Variants in MAP3K5 observed in about 807,000 individuals in gnomAD.
MAP3K5 encodes the protein ASK-1.
MAP3K5 carries 56 observed loss-of-function variants against 158.7 expected under a neutral mutation model. The observed-to-expected ratio is 0.35, with a 90% confidence interval of 0.28 to 0.44. MAP3K5 has a LOEUF of 0.44. MAP3K5 is among the 20% of genes least tolerant of loss of function. The probability of loss-of-function intolerance (pLI) is 1.00; values close to 1 mark genes in which losing one functional copy is unlikely to be tolerated. For synonymous variants in MAP3K5, 579 were observed against 601.7 expected (o/e 0.96, Z 0.55); for missense variants, 1,294 against 1,674.8 (o/e 0.77, Z 3.97).
intron 9 of MAP3K5, among the ~76,000 whole-genome samples, chr6:136,656,732 C>G (rs567575620): frequency 1.9e-4 from 29 of 152,106 alleles, no homozygotes; most frequent in Non-Finnish European, 3.8e-4. Flanking sequence ...TCATGCCATT[C>G]TGCCTCAGCC....
At position 136,792,412 on chromosome 6, in the gene MAP3K5, G is replaced by A; in HGVS notation, c.-255C>T. Reference sequence around the variant, plus strand: ...CTCTGCAGAGTTTAGAGTACAAGGGGTGGGGAAGCCGGGTGAGCGGGAAGG... The same window carrying A: ...CTCTGCAGAGTTTAGAGTACAAGGGATGGGGAAGCCGGGTGAGCGGGAAGG... On this transcript the variant is annotated 5_prime_UTR_variant, in exon 1 of 30. Transcript: ENST00000359015. This position sits in a 1 kb window ranked among gnomAD's most constrained non-coding sequence, Gnocchi z 5.7. 2 of 987,930 alleles carry A rather than the reference G, an allele frequency of 2.0e-6. No individual in the cohort carries two copies. Among genetic ancestry groups the A allele is most frequent in the Non-Finnish European group, 2.4e-6 (2 of 831,734 alleles). The allele number at this position is 987,930 out of a possible 1,614,324, so 61.2% of individuals were successfully genotyped here. A position where few individuals can be genotyped will look rare whatever the true frequency, so the allele number is the denominator to read the frequency against.
chr6:136,600,027 T>A (rs531270634), intron 21 of MAP3K5, among the ~76,000 whole-genome samples: 32 of 151,980 alleles, frequency 2.1e-4, no homozygotes, highest in South Asian at 6.2e-4. Context: ...AAACCCCAAT[T>A]AACAGGCCTC....
intron 8 of MAP3K5, among the ~76,000 whole-genome samples, chr6:136,667,115 T>C (rs370825920): frequency 2.6e-5 from 4 of 152,342 alleles, no homozygotes; most frequent in African/African-American, 9.6e-5. Context: ...CATATGCAAA[T>C]CACTGTCAAT....
intron 9 of MAP3K5, among the ~76,000 whole-genome samples, chr6:136,657,811 C>T (rs900562288): frequency 6.6e-6 from 1 of 152,176 alleles, no homozygotes; most frequent in Non-Finnish European, 1.5e-5. Context: ...TCAGCACGTG[C>T]TCAGACACTC....
intron 1 of MAP3K5, among the ~76,000 whole-genome samples, chr6:136,721,532 T>C (rs1229154637): frequency 1.3e-5 from 2 of 152,194 alleles, no homozygotes; most frequent in African/African-American, 4.8e-5. Context: ...TAGATTAGTC[T>C]AAAACTCCTT....
intron 2 of MAP3K5, among the ~76,000 whole-genome samples, chr6:136,708,142 G>T (rs1436639065): frequency 6.6e-6 from 1 of 152,066 alleles, no homozygotes; most frequent in East Asian, 1.9e-4. Context: ...ATATCATTTT[G>T]TACTTTTAAA....
At chr6:136,698,390 T>C in intron 4 of MAP3K5, 99 bp downstream of exon 4, 1 of 939,736 alleles carries the variant, frequency 1.1e-6, no homozygotes, top group Non-Finnish European at 1.6e-6. Flanking sequence ...TTCTTAGCTG[T>C]ATACTGATAT....
In MAP3K5 at chr6:136,668,705, G is replaced by A. The variant is rs140789702; in HGVS notation, c.1366+578C>T. The stretch of plus-strand genomic sequence containing the variant: ...ATTCCCAGGGAAAGGCAGCAGATGA[G>A]ATAATGTCTACAGATAAAAGGGACA... On this transcript the variant is annotated intron_variant, in intron 8 of 29. Transcript: ENST00000359015. Among the ~76,000 whole-genome samples, 12 of 152,282 alleles carry A rather than the reference G, an allele frequency of 7.9e-5. No individual in the cohort carries two copies. The East Asian group carries it at 2.1e-3, about 27-fold the overall frequency.
At chr6:136,657,793 A>AG (rs1431138714) in intron 9 of MAP3K5, among the ~76,000 whole-genome samples, 1 of 152,198 alleles carries the variant, frequency 6.6e-6, no homozygotes, top group Admixed American at 6.5e-5. Flanking sequence ...GCATTCTGAG[A>AG]GGCATGCTCA....
chr6:136,716,027 C>CAAAAAAAAAAAAAAAAAAAA lies in MAP3K5; in HGVS notation c.588+4403_588+4422dup, dbSNP rs60678515. ...CCCGGGTGACAAAGCAAGATCGTCT[C>CAAAAAAAAAAAAAAAAAAAA]AAAAAAAAAAAAAAAAAAAAAAAAA... On this transcript the variant is annotated intron_variant, in intron 2 of 29. Coordinates refer to ENST00000359015, the MANE Select transcript of MAP3K5 (RefSeq NM_005923.4). 4.3e-4 allele frequency among the ~76,000 whole-genome samples: 10 copies of CAAAAAAAAAAAAAAAAAAAA among 23,034 alleles called. 1 individual carries two copies. The highest frequency in any genetic ancestry group is 5.6e-4 in the Non-Finnish European group (8 of 14,208). 15.1% of individuals were successfully genotyped at this position (23,034 alleles called of 152,430 possible). A position where few individuals can be genotyped will look rare whatever the true frequency, so the allele number is the denominator to read the frequency against.
intron 3 of MAP3K5, among the ~76,000 whole-genome samples, chr6:136,703,468 A>C (rs540857395): frequency 1.3e-5 from 2 of 152,320 alleles, no homozygotes; most frequent in African/African-American, 4.8e-5. Flanking sequence ...CTGTCTACAC[A>C]ACAGTTACAC....
At chr6:136,693,629 C>A (rs1780480047) in intron 7 of MAP3K5, among the ~76,000 whole-genome samples, 3 of 151,754 alleles carry the variant, frequency 2.0e-5, no homozygotes, top group African/African-American at 7.3e-5. Flanking sequence ...CTTAAATTAT[C>A]TTTTCATCTA....
At chr6:136,669,246 T>C (rs1779362856) in intron 8 of MAP3K5, 37 bp downstream of exon 8, 1 of 1,377,410 alleles carries the variant, frequency 7.3e-7, no homozygotes, top group Admixed American at 1.7e-5. Flanking sequence ...TGGGTCCAGT[T>C]TCTTGATTTC....
rs1054453123 is a variant in MAP3K5 at position 136,609,096 on chromosome 6, C to T, written c.2521+2186G>A. On this transcript the variant is annotated intron_variant, in intron 18 of 29. Coordinates refer to ENST00000359015, the MANE Select transcript of MAP3K5 (RefSeq NM_005923.4). The surrounding 1 kb of genome is among the most constrained non-coding windows in gnomAD (Gnocchi z 4.4). ...TCCTACAATTCCTTTGGAGATTTTA[C>T]AAAAAAGATGTTCCCCAGATTAGTA... Among the ~76,000 whole-genome samples the T allele has an allele frequency of 6.6e-6, 1 of 152,042 alleles. No individual in the cohort carries two copies. Among genetic ancestry groups the T allele is most frequent in the African/African-American group, 2.4e-5 (1 of 41,420 alleles).
intron 15 of MAP3K5, among the ~76,000 whole-genome samples, chr6:136,619,149 T>C (rs1414322544): frequency 6.6e-6 from 1 of 152,132 alleles, no homozygotes; most frequent in Non-Finnish European, 1.5e-5. Context: ...GGGGTGTCTT[T>C]TTCAGTTTGG....
intron 1 of MAP3K5, among the ~76,000 whole-genome samples, chr6:136,722,674 CTTTTTTTTTTT>C (rs372343492): frequency 2.6e-5 from 3 of 115,564 alleles, no homozygotes; most frequent in African/African-American, 9.6e-5. Context: ...TTTTTTTTTC[CTTTTTTTTTTT>C]TTTTTTTTAA....
At chr6:136,673,101 T>C (rs1253308716) in intron 7 of MAP3K5, among the ~76,000 whole-genome samples, 1 of 151,872 alleles carries the variant, frequency 6.6e-6, no homozygotes, top group Non-Finnish European at 1.5e-5. Context: ...TCCGACAGTA[T>C]TTAAGGGATA....
At chr6:136,605,049 C>T (rs771111019) in intron 19 of MAP3K5, among the ~76,000 whole-genome samples, 160 bp downstream of exon 19, 1 of 152,154 alleles carries the variant, frequency 6.6e-6, no homozygotes, top group Non-Finnish European at 1.5e-5. Flanking sequence ...GAGGCACCAG[C>T]GCTGGTTCTA....
chr6:136,789,291 C>T (rs183563132), intron 1 of MAP3K5, among the ~76,000 whole-genome samples: 10 of 152,296 alleles, frequency 6.6e-5, no homozygotes, highest in African/African-American at 2.4e-4. Context: ...GGCTGGGCAA[C>T]AGAGTGAGAC....
Sources: gnomAD v4.1 joint callset for allele counts (sites outside exome capture counted in the v4.1 genomes callset) on GRCh38, gnomAD v4.1.1 for gene constraint, Gnocchi (gnomAD v3.1) non-coding constraint, MANE v1.5 for transcripts, NCBI Gene and HGNC (gene_info 2026-07-23, HGNC 2026-07-21) for gene names.